The following RPL12 variants were observed in gnomAD, a reference collection of about 807,000 sequenced individuals.
RPL12 encodes ribosomal protein L12, also known as large ribosomal subunit protein uL11.
In RPL12, 10 loss-of-function variants were observed where a neutral mutation model predicts 24.5. The ratio of observed to expected loss-of-function variants is 0.41; its 90% confidence interval spans 0.25 to 0.69. RPL12 has a LOEUF of 0.69. Among genes scored for constraint, RPL12 ranks in the 30% least tolerant of loss-of-function variants. The pLI is 0.33. For synonymous variants in RPL12, 74 were observed against 76.1 expected (o/e 0.97, Z 0.14); for missense variants, 137 against 205.3 (o/e 0.67, Z 2.03).
chr9:127,448,262 C>T (rs577450869), intron 5 of RPL12, 75 bp downstream of exon 5: 1 of 1,260,078 alleles, frequency 7.9e-7, no homozygotes, highest in Non-Finnish European at 1.2e-6. Flanking sequence ...GAGCACCCTT[C>T]AAGTAAGAAG....
At position 127,449,142 on chromosome 9, in the gene RPL12, C is replaced by CCTGG. The variant is rs1834224986; in HGVS notation, c.292+135_292+138dup. On this transcript the variant is annotated intron_variant, in intron 4 of 6. Coordinates refer to ENST00000361436, the MANE Select transcript of RPL12 (RefSeq NM_000976.4). ...GCATACGTGGCACTTTTTCATACTACCTGGCTCTAGCAGCCCTAACCATAT... is the reference window on the plus strand; with the variant it reads ...GCATACGTGGCACTTTTTCATACTACCTGGCTGGCTCTAGCAGCCCTAACCATAT... 1.7e-5 allele frequency: 11 copies of CCTGG among 653,812 alleles called. No homozygotes were observed. In the Admixed American group the frequency reaches 2.7e-4, roughly 16 times the overall value. 40.5% of individuals were successfully genotyped at this position (653,812 alleles called of 1,614,324 possible).
intron 1 of RPL12, 61 bp downstream of exon 1, chr9:127,451,220 A>G (rs956199609): frequency 6.3e-7 from 1 of 1,593,954 alleles, no homozygotes; most frequent in African/African-American, 1.3e-5. Flanking sequence ...AAAGCTTTGC[A>G]CGCGCGGCAG....
chr9:127,451,228 C>CG, intron 1 of RPL12, 53 bp downstream of exon 1: 1 of 1,598,348 alleles, frequency 6.3e-7, no homozygotes, highest in Non-Finnish European at 8.5e-7. Context: ...GCACGCGCGG[C>CG]AGGGCCGAGG....
rs771625733 is a variant in RPL12, at chr9:127,447,864, A to C, written c.492+13T>G. ...CCTTTCACCCCTACTGTAACAATGA[A>C]AATGTCACTTACGGCTGGGCATTCC... On this transcript the variant is annotated intron_variant, in intron 6 of 6. Coordinates refer to ENST00000361436, the MANE Select transcript of RPL12 (RefSeq NM_000976.4). The C allele has an allele frequency of 1.2e-6, 2 of 1,610,856 alleles. No homozygotes were observed. The highest frequency in any genetic ancestry group is 2.2e-5 in the East Asian group (1 of 44,860).
chr9:127,449,046 C>T (rs536964079), intron 4 of RPL12: 8 of 431,602 alleles, frequency 1.9e-5, no homozygotes, highest in African/African-American at 6.0e-5. Flanking sequence ...AGGCTGGTCT[C>T]GAACTCCTGA....
chr9:127,450,018 G>A (rs1168167857), intron 2 of RPL12: 1 of 285,990 alleles, frequency 3.5e-6, no homozygotes, highest in African/African-American at 2.2e-5. Context: ...AGGCTCCCAT[G>A]TCAGACCACC....
chr9:127,450,843 C>T (rs748178722), intron 1 of RPL12, 39 bp from the exon 2 acceptor site: 8 of 1,418,286 alleles, frequency 5.6e-6, no homozygotes, highest in East Asian at 2.5e-5. Flanking sequence ...GCAGAGGGAG[C>T]CCCGAGCCAC....
intron 2 of RPL12, 45 bp from the exon 3 acceptor site, chr9:127,449,753 C>G (rs781610879): frequency 2.0e-6 from 3 of 1,505,104 alleles, no homozygotes; most frequent in Non-Finnish European, 2.8e-6. Flanking sequence ...AGAGGTGAAC[C>G]ACAGCCTTGA....
At chr9:127,450,238 T>G (rs1834259828) in intron 2 of RPL12, 1 of 167,186 alleles carries the variant, frequency 6.0e-6, no homozygotes, top group South Asian at 1.4e-4. Flanking sequence ...AAAGGCCTAA[T>G]GAAATTCAGA....
Position 127,448,436 on chromosome 9 carries a change from A to T in RPL12, c.293-13T>A. On this transcript the variant is annotated splice_polypyrimidine_tract_variant and intron_variant, in intron 4 of 6. Transcript: ENST00000361436. ...CCACTGTGTTTAACTGCAGAAGAGG[A>T]AACAGCAAAAGCTCTTTTAAAGTCT... is the stretch of plus-strand genomic sequence containing the variant. The T allele has an allele frequency of 1.9e-6, 3 of 1,572,314 alleles. No homozygotes were observed. The highest frequency in any genetic ancestry group is 2.6e-6 in the Non-Finnish European group (3 of 1,142,132).
rs1252462616 is a variant in RPL12, at chr9:127,449,290, G to A, written c.283C>T (p.Gln95Ter). The A allele has an allele frequency of 6.2e-7, 1 of 1,612,346 alleles. No homozygotes were observed. Among genetic ancestry groups the A allele is most frequent in the Non-Finnish European group, 8.5e-7 (1 of 1,179,744 alleles). ...GGAAAAGACAACTTACTGTTTTTCT[G>A]TTTCTTTCTGTCTCTTGGTGGTTCC... is the stretch of plus-strand genomic sequence containing the variant. ...LKEPPRDRKK[Q>*]KNIKHSGNIT... Residue 95 changes from glutamine to a stop codon, truncating the protein, a stop_gained, in exon 4 of 7, where the codon CAG (glutamine) becomes TAG (stop). Coordinates refer to ENST00000361436, the MANE Select transcript of RPL12 (RefSeq NM_000976.4). LOFTEE classifies it high-confidence loss of function.
chr9:127,450,533 A>T lies in RPL12; in HGVS notation c.111+198T>A, dbSNP rs1349276363. On this transcript the variant is annotated intron_variant, in intron 2 of 6. Transcript: ENST00000361436. ...AGCAGCAGTGGAGACACATGGAGCT[A>T]ATTACAATTTAAAGGCACCAGGTTC... is the stretch of plus-strand genomic sequence containing the variant. 8 of 540,096 alleles carry T rather than the reference A, an allele frequency of 1.5e-5. No homozygotes were observed. The East Asian group carries it at 2.7e-4, about 19-fold the overall frequency. The allele number at this position is 540,096 out of a possible 1,614,324, so 33.5% of individuals were successfully genotyped here. A position where few individuals can be genotyped will look rare whatever the true frequency, so the allele number is the denominator to read the frequency against.
At chr9:127,448,960 T>C (rs936324773) in intron 4 of RPL12, 4 of 338,026 alleles carry the variant, frequency 1.2e-5, no homozygotes, top group Non-Finnish European at 2.3e-5. Flanking sequence ...GCCGTCTGAG[T>C]AGCCAGGTCT....
At chr9:127,448,859 C>G (rs976153141) in intron 4 of RPL12, among the ~76,000 whole-genome samples, 2 of 148,572 alleles carry the variant, frequency 1.3e-5, no homozygotes, top group Non-Finnish European at 3.0e-5. Context: ...GAGACGGAGT[C>G]TCACTGTTAC....
At chr9:127,448,120 TA>T in intron 5 of RPL12, 131 bp from the exon 6 acceptor site, 1 of 1,198,868 alleles carries the variant, frequency 8.3e-7, no homozygotes, top group Non-Finnish European at 1.2e-6. Flanking sequence ...TAATATAGAA[TA>T]TAGAGTTCCA....
chr9:127,449,579 T>C (rs1264364414), intron 3 of RPL12, 31 bp downstream of exon 3: 1 of 1,501,480 alleles, frequency 6.7e-7, no homozygotes, highest in Non-Finnish European at 9.3e-7. Flanking sequence ...CCCCCCACCC[T>C]CCTCTCCCGA....
chr9:127,451,352 C>T lies in RPL12; in HGVS notation c.-35G>A, dbSNP rs773421954. On this transcript the variant is annotated 5_prime_UTR_variant, in exon 1 of 7. Coordinates refer to ENST00000361436, the MANE Select transcript of RPL12 (RefSeq NM_000976.4). ...GGCTGGTGTCGGATGAACCCGGATT[C>T]GGGACGACCGAAGGAAGTTGCACCT... The T allele has an allele frequency of 4.3e-6, 7 of 1,610,758 alleles. No individual in the cohort carries two copies. Among genetic ancestry groups the T allele is most frequent in the Admixed American group, 3.3e-5 (2 of 59,940 alleles).
Position 127,451,267 on chromosome 9 carries a change from A to G in RPL12, c.37+14T>C. The G allele has an allele frequency of 1.2e-6, 2 of 1,612,604 alleles. No individual in the cohort carries two copies. The highest frequency in any genetic ancestry group is 1.7e-6 in the Non-Finnish European group (2 of 1,179,464). On this transcript the variant is annotated intron_variant, in intron 1 of 6. Coordinates refer to ENST00000361436, the MANE Select transcript of RPL12 (RefSeq NM_000976.4). ...GCTCCATCCCGCAGCCCCGGCCACA[A>G]CCAGAGCACGCACCGACTTTGATCT...
Position 127,450,696 on chromosome 9 carries a change from T to C in RPL12, c.111+35A>G, listed in dbSNP as rs75255365. 2.7e-3 allele frequency: 3,940 copies of C among 1,486,102 alleles called. 105 individuals carry two copies. The African/African-American group carries it at 0.051, about 19-fold the overall frequency. 92.1% of individuals were successfully genotyped at this position (1,486,102 alleles called of 1,614,324 possible). A position where few individuals can be genotyped will look rare whatever the true frequency, so the allele number is the denominator to read the frequency against. On this transcript the variant is annotated intron_variant, in intron 2 of 6. Coordinates refer to ENST00000361436, the MANE Select transcript of RPL12 (RefSeq NM_000976.4). ...GAGCCGGCGCTTAAAGTGAAACAAA[T>C]GTGAAAAAAATGCCCCTTGGAGGGG...
Sources: allele counts gnomAD v4.1 joint callset (sites outside exome capture counted in the v4.1 genomes callset), GRCh38; gene constraint gnomAD v4.1.1; transcripts MANE v1.5; gene names NCBI Gene and HGNC (gene_info 2026-07-23, HGNC 2026-07-21).